C13orf46: variants seen among roughly 807,000 people sequenced by gnomAD.
C13orf46 encodes the protein chromosome 13 open reading frame 46, also known as uncharacterized protein C13orf46.
chr13:113,962,100 T>C (rs1343196502), intron 6 of C13orf46, among the ~76,000 whole-genome samples: 5 of 152,162 alleles, frequency 3.3e-5, no homozygotes, highest in Non-Finnish European at 5.9e-5. Flanking sequence ...ATCCAGATCA[T>C]GCTAATTAAA....
chr13:113,943,777 G>A, the C13orf46 span, among the ~76,000 whole-genome samples: 2 of 152,230 alleles, frequency 1.3e-5, no homozygotes, highest in Admixed American at 6.5e-5. Flanking sequence ...CCCTTGCAAC[G>A]TGAGGGAAGG....
At chr13:113,945,143 G>A in the C13orf46 span, among the ~76,000 whole-genome samples, 1 of 152,184 alleles carries the variant, frequency 6.6e-6, no homozygotes, top group Non-Finnish European at 1.5e-5. Flanking sequence ...TGTGTGTCAG[G>A]CTCTCCAGTT....
chr13:113,937,412 T>C, the C13orf46 span, among the ~76,000 whole-genome samples: 1 of 152,196 alleles, frequency 6.6e-6, no homozygotes, highest in African/African-American at 2.4e-5. Flanking sequence ...TTCCCTTGGT[T>C]ATGGTAACAA....
chr13:113,942,309 G>C, the C13orf46 span, among the ~76,000 whole-genome samples: 1 of 152,200 alleles, frequency 6.6e-6, no homozygotes, highest in East Asian at 1.9e-4. Flanking sequence ...AATGCCTGAG[G>C]AAATGGGGAA....
chr13:113,966,411 T>G (rs2052648628), intron 5 of C13orf46, among the ~76,000 whole-genome samples: 1 of 151,042 alleles, frequency 6.6e-6, no homozygotes, highest in Non-Finnish European at 1.5e-5. Flanking sequence ...ATGGTGATGA[T>G]GATGATGATG....
chr13:113,953,465 C>T (rs956712825), downstream of C13orf46, among the ~76,000 whole-genome samples: 15 of 152,128 alleles, frequency 9.9e-5, no homozygotes, highest in Non-Finnish European at 1.5e-4. Context: ...ACACTGTGAC[C>T]CCCACCCCAC....
chr13:113,952,131 T>C (rs2052491443), downstream of C13orf46, among the ~76,000 whole-genome samples: 1 of 152,098 alleles, frequency 6.6e-6, no homozygotes, highest in Non-Finnish European at 1.5e-5. Context: ...CACAGAACAC[T>C]TGGCAGGGGT....
At chr13:113,960,453 C>CG (rs1341865238) in intron 6 of C13orf46, among the ~76,000 whole-genome samples, 29 of 152,270 alleles carry the variant, frequency 1.9e-4, no homozygotes, top group Admixed American at 3.3e-4. Flanking sequence ...TCTGCTGTCC[C>CG]TTGTCACGTG....
At chr13:113,945,605 GAAGAAAGAAAGAAAGAAAGAAAGAAAGA>G in the C13orf46 span, among the ~76,000 whole-genome samples, 4 of 93,774 alleles carry the variant, frequency 4.3e-5, no homozygotes, top group Admixed American at 1.1e-4. Flanking sequence ...AAGAAAGAAA[GAAGAAAGAAAGAAAGAAAGAAAGAAAGA>G]AAGAAAGAAA....
chr13:113,939,323 G>GGACCACCCGATGGGGAGGACAGA, the C13orf46 span, among the ~76,000 whole-genome samples: 2 of 152,182 alleles, frequency 1.3e-5, no homozygotes, highest in South Asian at 2.1e-4. Flanking sequence ...AGCCAGAAGG[G>GGACCACCCGATGGGGAGGACAGA]GACCACCCGA....
downstream of C13orf46, among the ~76,000 whole-genome samples, chr13:113,951,235 G>A (rs1483636069): frequency 6.6e-5 from 10 of 152,172 alleles, no homozygotes; most frequent in Non-Finnish European, 1.2e-4. Context: ...CTTGGATCTC[G>A]GGTGTCTGTG....
chr13:113,947,646 C>G, the C13orf46 span, among the ~76,000 whole-genome samples: 1 of 152,200 alleles, frequency 6.6e-6, no homozygotes, highest in Non-Finnish European at 1.5e-5. Context: ...TTGGCCCCAC[C>G]TGTGCAGCTT....
intron 1 of C13orf46, among the ~76,000 whole-genome samples, chr13:113,973,047 G>A (rs2138998764): frequency 6.6e-6 from 1 of 152,332 alleles, no homozygotes; most frequent in South Asian, 2.1e-4. Context: ...GCCCGGCCCG[G>A]TCCCTGCTGC....
downstream of C13orf46, among the ~76,000 whole-genome samples, chr13:113,953,260 C>T (rs1489829404): frequency 4.6e-5 from 7 of 152,308 alleles, no homozygotes; most frequent in South Asian, 2.1e-4. Context: ...TCCCACAGGG[C>T]GTGTGCCTGC....
At chr13:113,953,448 C>T (rs1189934453), downstream of C13orf46, among the ~76,000 whole-genome samples, 2 of 152,018 alleles carry the variant, frequency 1.3e-5, no homozygotes, top group Admixed American at 6.5e-5. Context: ...ATCAGCTCTT[C>T]CCCCGGACAC....
chr13:113,946,216 T>A, the C13orf46 span, among the ~76,000 whole-genome samples: 2 of 152,328 alleles, frequency 1.3e-5, no homozygotes, highest in Non-Finnish European at 2.9e-5. Flanking sequence ...CCTAGCACTG[T>A]ACTCCCCACC....
chr13:113,952,646 C>A (rs1040853037), downstream of C13orf46, among the ~76,000 whole-genome samples: 1 of 152,220 alleles, frequency 6.6e-6, no homozygotes, highest in African/African-American at 2.4e-5. Flanking sequence ...AAAGCCCAGG[C>A]GGCATCTGTG....
intron 6 of C13orf46, among the ~76,000 whole-genome samples, chr13:113,959,050 G>A (rs1157290369): frequency 6.6e-6 from 1 of 152,214 alleles, no homozygotes; most frequent in Admixed American, 6.5e-5. Flanking sequence ...GTTGAGGCAG[G>A]TGGATCACTT....
chr13:113,939,436 G>A, the C13orf46 span, among the ~76,000 whole-genome samples: 16 of 152,082 alleles, frequency 1.1e-4, no homozygotes, highest in Non-Finnish European at 1.6e-4. Context: ...CGGGGAACAC[G>A]GGGATCACCC....
Sources: gnomAD v4.1 joint callset for allele counts (sites outside exome capture counted in the v4.1 genomes callset) on GRCh38, gnomAD v4.1.1 for gene constraint, MANE v1.5 for transcripts, NCBI Gene and HGNC (gene_info 2026-07-23, HGNC 2026-07-21) for gene names.